Variants in ADAMTSL3 observed in about 807,000 individuals in gnomAD.
ADAMTSL3 encodes ADAMTS like 3.
A neutral mutation model predicts 201.7 loss-of-function variants in ADAMTSL3; 128 were observed. The observed-to-expected ratio is 0.63, with a 90% CI of 0.55 to 0.73. ADAMTSL3 has a LOEUF of 0.73. ADAMTSL3 is among the 30% of genes least tolerant of loss of function. The probability of loss-of-function intolerance (pLI) is 0.00; values close to 1 mark genes in which losing one functional copy is unlikely to be tolerated. For missense variants in ADAMTSL3, 1,990 were observed against 2,119.6 expected (o/e 0.94, Z 1.20); for synonymous variants, 738 against 748.4 (o/e 0.99, Z 0.23).
chr15:83,875,835 G>T (rs1402842245), intron 9 of ADAMTSL3, among the ~76,000 whole-genome samples: 1 of 152,030 alleles, frequency 6.6e-6, no homozygotes, highest in Non-Finnish European at 1.5e-5. Context: ...GGATGTATGT[G>T]TAAGACACAG....
intron 13 of ADAMTSL3, among the ~76,000 whole-genome samples, chr15:83,893,342 G>C (rs2065548106): frequency 6.6e-6 from 1 of 152,060 alleles, no homozygotes; most frequent in Admixed American, 6.5e-5. Flanking sequence ...GTTAGTGTTA[G>C]GGAGATGGCC....
chr15:83,765,948 G>A (rs1353754369), intron 3 of ADAMTSL3, among the ~76,000 whole-genome samples: 1 of 152,114 alleles, frequency 6.6e-6, no homozygotes, highest in Non-Finnish European at 1.5e-5. Context: ...AATTATAGAT[G>A]ATCATAAAAG....
chr15:83,757,422 A>AGCTGAGTG (rs138286342), intron 3 of ADAMTSL3, among the ~76,000 whole-genome samples: 16,661 of 151,436 alleles, frequency 0.11, 1,025 homozygotes, highest in East Asian at 0.28. Flanking sequence ...GGCCCCTTTT[A>AGCTGAGTG]GCTGAGTGGC....
At position 84,037,875 on chromosome 15, in the gene ADAMTSL3, G is replaced by A. The variant is rs781614851; in HGVS notation, c.*69G>A. ...ATATAAAAGCTCTTTTCCCCATGTC[G>A]CTGATTCAAAAACATGTATTTCTTA... On this transcript the variant is annotated 3_prime_UTR_variant, in exon 30 of 30. Coordinates refer to ENST00000286744, the MANE Select transcript of ADAMTSL3 (RefSeq NM_207517.3). The A allele has an allele frequency of 1.8e-5, 27 of 1,525,556 alleles. No individual in the cohort carries two copies. Among genetic ancestry groups the A allele is most frequent in the Admixed American group, 7.1e-5 (3 of 42,182 alleles). 94.5% of individuals were successfully genotyped at this position (1,525,556 alleles called of 1,614,324 possible).
intron 2 of ADAMTSL3, among the ~76,000 whole-genome samples, chr15:83,669,864 C>T (rs1034949762): frequency 6.6e-6 from 1 of 152,108 alleles, no homozygotes; most frequent in Non-Finnish European, 1.5e-5. Context: ...AATCACTATA[C>T]TCTCACAACC....
intron 4 of ADAMTSL3, among the ~76,000 whole-genome samples, chr15:83,788,982 G>T (rs936735435): frequency 3.3e-5 from 5 of 151,962 alleles, no homozygotes; most frequent in Non-Finnish European, 1.5e-5. Flanking sequence ...GCTAATTTTT[G>T]TATTTTTTAG....
At chr15:83,838,063 A>G in intron 6 of ADAMTSL3, 26 bp from the exon 7 acceptor site, 1 of 1,604,400 alleles carries the variant, frequency 6.2e-7, no homozygotes, top group Non-Finnish European at 8.5e-7. Flanking sequence ...TTTGGGCACC[A>G]CTGACTGCCA....
chr15:83,865,455 G>T (rs1281024901), intron 8 of ADAMTSL3, among the ~76,000 whole-genome samples: 1 of 152,058 alleles, frequency 6.6e-6, no homozygotes, highest in South Asian at 2.1e-4. Flanking sequence ...CAGAAATAAT[G>T]CCGCATATCT....
At chr15:83,931,048 G>T (rs1243120216) in intron 17 of ADAMTSL3, among the ~76,000 whole-genome samples, 6 of 152,058 alleles carry the variant, frequency 3.9e-5, no homozygotes, top group Non-Finnish European at 8.8e-5. Flanking sequence ...TTGCTTTTAT[G>T]GGGTTACTCC....
intron 3 of ADAMTSL3, among the ~76,000 whole-genome samples, chr15:83,747,896 G>A (rs959587358): frequency 6.6e-6 from 1 of 151,064 alleles, no homozygotes; most frequent in Non-Finnish European, 1.5e-5. Context: ...TCAGGGTGGA[G>A]CAGCCATGAG....
At chr15:83,773,734 C>T (rs1314730765) in intron 4 of ADAMTSL3, 84 bp downstream of exon 4, 1 of 1,471,260 alleles carries the variant, frequency 6.8e-7, no homozygotes, top group African/African-American at 1.4e-5. Flanking sequence ...CTTTATATGG[C>T]TTTGGAATGT....
At chr15:84,002,579 C>G (rs56155909) in intron 23 of ADAMTSL3, among the ~76,000 whole-genome samples, 1 of 152,186 alleles carries the variant, frequency 6.6e-6, no homozygotes, top group Admixed American at 6.5e-5. Flanking sequence ...ATGCACCTTT[C>G]TTCCATGCAC....
At chr15:83,809,326 TA>T (rs1056670317) in intron 5 of ADAMTSL3, among the ~76,000 whole-genome samples, 50 of 152,010 alleles carry the variant, frequency 3.3e-4, no homozygotes, top group Admixed American at 6.6e-5. Flanking sequence ...GAAACAGAAA[TA>T]GGGGGTAGAG....
chr15:83,891,380 G>A lies in ADAMTSL3; in HGVS notation c.1262+1G>A. 6.2e-7 allele frequency: 1 copy of A among 1,612,108 alleles called. No homozygotes were observed. The highest frequency in any genetic ancestry group is 1.7e-5 in the Admixed American group (1 of 60,004). ...ATGACCACTTCCAACCTCTTCCTCGGTGAGTTATATGTTTCCTTTTCCTTT... is the reference window on the plus strand; with the variant it reads ...ATGACCACTTCCAACCTCTTCCTCGATGAGTTATATGTTTCCTTTTCCTTT... On this transcript the variant is annotated splice_donor_variant, in intron 12 of 29. Coordinates refer to ENST00000286744, the MANE Select transcript of ADAMTSL3 (RefSeq NM_207517.3). LOFTEE classifies it high-confidence loss of function.
intron 21 of ADAMTSL3, among the ~76,000 whole-genome samples, chr15:83,984,890 G>A (rs2067447001): frequency 6.6e-6 from 1 of 152,156 alleles, no homozygotes; most frequent in Non-Finnish European, 1.5e-5. Flanking sequence ...CTATACAAAT[G>A]TGTTAGCTGG....
chr15:83,771,639 A>G (rs1596176906), intron 3 of ADAMTSL3, among the ~76,000 whole-genome samples: 1 of 152,196 alleles, frequency 6.6e-6, no homozygotes, highest in African/African-American at 2.4e-5. Context: ...TAATGGCTCC[A>G]TAGCATTTCG....
intron 8 of ADAMTSL3, among the ~76,000 whole-genome samples, chr15:83,859,931 G>A (rs887355723): frequency 1.3e-5 from 2 of 152,144 alleles, no homozygotes; most frequent in Non-Finnish European, 2.9e-5. Flanking sequence ...GAGAGGCTGT[G>A]GCAGGAGGAT....
chr15:83,792,019 G>A (rs2063353030), intron 4 of ADAMTSL3, among the ~76,000 whole-genome samples: 2 of 152,146 alleles, frequency 1.3e-5, no homozygotes, highest in African/African-American at 4.8e-5. Flanking sequence ...ATGGACAAAT[G>A]GGATTACATC....
At chr15:83,829,270 C>A (rs1048132761) in intron 6 of ADAMTSL3, among the ~76,000 whole-genome samples, 6 of 152,056 alleles carry the variant, frequency 3.9e-5, no homozygotes, top group Non-Finnish European at 8.8e-5. Flanking sequence ...TGTATGTGTC[C>A]AGGAATTTAT....
Sources: gnomAD v4.1 joint callset for allele counts (sites outside exome capture counted in the v4.1 genomes callset) on GRCh38, gnomAD v4.1.1 for gene constraint, MANE v1.5 for transcripts, NCBI Gene and HGNC (gene_info 2026-07-23, HGNC 2026-07-21) for gene names.